RABEP1: variants seen among roughly 807,000 people sequenced by gnomAD.
RABEP1 encodes the protein rabaptin, RAB GTPase binding effector protein 1, also known as rab GTPase-binding effector protein 1.
A neutral mutation model predicts 123.4 loss-of-function variants in RABEP1; 51 were observed. That is an observed-to-expected ratio of 0.41 (90% CI 0.33 to 0.52). The LOEUF (loss-of-function observed/expected upper bound fraction) is 0.52, where lower values mean the gene tolerates loss of function less well. Among genes scored for constraint, RABEP1 ranks in the 20% least tolerant of loss-of-function variants. RABEP1 has a pLI of 0.16. For synonymous variants in RABEP1, 347 were observed against 355.2 expected (o/e 0.98, Z 0.26); for missense variants, 888 against 996.3 (o/e 0.89, Z 1.46).
At chr17:5,369,160 C>T (rs1181216736) in intron 12 of RABEP1, among the ~76,000 whole-genome samples, 1 of 151,788 alleles carries the variant, frequency 6.6e-6, no homozygotes, top group Non-Finnish European at 1.5e-5. Context: ...TGAAAAAAAA[C>T]ATGTAACTGT....
intron 1 of RABEP1, among the ~76,000 whole-genome samples, chr17:5,286,484 A>G (rs2074978906): frequency 1.3e-5 from 2 of 150,500 alleles, no homozygotes. Flanking sequence ...ACAGAGTGAG[A>G]CTCTGTCTCA....
rs201292927 is a variant in RABEP1, at chr17:5,323,690, A to ATC, written c.164-8251_164-8250dup. 7.2e-4 allele frequency among the ~76,000 whole-genome samples: 65 copies of ATC among 90,674 alleles called. 9 individuals carry two copies. The East Asian group carries it at 0.01, about 14-fold the overall frequency. The allele number at this position is 90,674 out of a possible 152,430, so 59.5% of individuals were successfully genotyped here. ...TCTTTCATTGGTGATATATATATAT[A>ATC]TCTCTCTCTAGGAATATATATATAT... On this transcript the variant is annotated intron_variant, in intron 2 of 17. Coordinates refer to ENST00000537505, the MANE Select transcript of RABEP1 (RefSeq NM_004703.6).
At chr17:5,334,356 CGAGTAGCTGG>C (rs1567529263) in intron 3 of RABEP1, among the ~76,000 whole-genome samples, 1 of 152,022 alleles carries the variant, frequency 6.6e-6, no homozygotes, top group Non-Finnish European at 1.5e-5. Flanking sequence ...CTCAGCCTTC[CGAGTAGCTGG>C]GACTACAGGT....
At chr17:5,338,217 A>C (rs1757059021) in intron 5 of RABEP1, 79 bp downstream of exon 5, 1 of 1,445,616 alleles carries the variant, frequency 6.9e-7, no homozygotes, top group African/African-American at 1.4e-5. Flanking sequence ...AATCAGTAAT[A>C]GGGAAAAAAA....
At chr17:5,287,562 G>A (rs2074990633) in intron 1 of RABEP1, among the ~76,000 whole-genome samples, 1 of 131,774 alleles carries the variant, frequency 7.6e-6, no homozygotes, top group African/African-American at 2.9e-5. Flanking sequence ...TCATGCCACC[G>A]TGCTCCAGCC....
At chr17:5,292,608 T>TC (rs1206473327) in intron 1 of RABEP1, among the ~76,000 whole-genome samples, 2 of 152,134 alleles carry the variant, frequency 1.3e-5, no homozygotes, top group Non-Finnish European at 2.9e-5. Flanking sequence ...GGTCTGGAAC[T>TC]CCTGACCTCA....
At position 5,282,995 on chromosome 17, in the gene RABEP1, A is replaced by G. The variant is rs561290177; in HGVS notation, c.34+475A>G. Among the ~76,000 whole-genome samples the G allele has an allele frequency of 3.9e-5, 6 of 152,202 alleles. No individual in the cohort carries two copies. In the South Asian group the frequency reaches 1.2e-3, roughly 32 times the overall value. ...TGACCTGAAAGTAGTTGTGTACAGTAACTGGATTTAGTAGCATTCCCTGAA... is the reference window on the plus strand; with the variant it reads ...TGACCTGAAAGTAGTTGTGTACAGTGACTGGATTTAGTAGCATTCCCTGAA... On this transcript the variant is annotated intron_variant, in intron 1 of 17. Coordinates refer to ENST00000537505, the MANE Select transcript of RABEP1 (RefSeq NM_004703.6).
At chr17:5,343,670 CTTTTTT>C (rs753410845) in intron 5 of RABEP1, among the ~76,000 whole-genome samples, 89 of 99,934 alleles carry the variant, frequency 8.9e-4, no homozygotes, top group African/African-American at 2.8e-3. Flanking sequence ...TTTCTTTTCT[CTTTTTT>C]TTTTTTTTTT....
At chr17:5,339,486 G>A (rs1434792666) in intron 5 of RABEP1, among the ~76,000 whole-genome samples, 1 of 152,152 alleles carries the variant, frequency 6.6e-6, no homozygotes, top group Non-Finnish European at 1.5e-5. Context: ...TCCAGTCTAC[G>A]TGATAGAGTG....
At chr17:5,342,591 G>GCGAGA (rs1003440138) in intron 5 of RABEP1, among the ~76,000 whole-genome samples, 1 of 152,126 alleles carries the variant, frequency 6.6e-6, no homozygotes, top group African/African-American at 2.4e-5. Context: ...GGGCAGTAGA[G>GCGAGA]CGAGACTCTG....
At chr17:5,379,769 G>C (rs1331601824) in intron 15 of RABEP1, among the ~76,000 whole-genome samples, 1 of 152,106 alleles carries the variant, frequency 6.6e-6, no homozygotes, top group Non-Finnish European at 1.5e-5. Flanking sequence ...TTAAACATTA[G>C]AAACTTGTTC....
At chr17:5,345,055 T>C (rs1907958240) in intron 5 of RABEP1, among the ~76,000 whole-genome samples, 1 of 152,188 alleles carries the variant, frequency 6.6e-6, no homozygotes, top group Admixed American at 6.5e-5. Flanking sequence ...TGTGAAAAGA[T>C]AGTCAACATT....
intron 8 of RABEP1, chr17:5,360,972 TGA>T: frequency 2.0e-6 from 1 of 502,238 alleles, no homozygotes; most frequent in African/African-American, 1.9e-5. Flanking sequence ...TTTTTTTTTT[TGA>T]AGCCGTATGT....
chr17:5,341,596 A>G (rs947743989), intron 5 of RABEP1, among the ~76,000 whole-genome samples: 2 of 152,212 alleles, frequency 1.3e-5, no homozygotes, highest in East Asian at 1.9e-4. Context: ...AAGCTCTCCA[A>G]CTGTTTTTAT....
chr17:5,292,971 T>C (rs958239432), intron 1 of RABEP1, among the ~76,000 whole-genome samples: 10 of 152,214 alleles, frequency 6.6e-5, no homozygotes, highest in Non-Finnish European at 1.0e-4. Flanking sequence ...CATGAGCTGC[T>C]GTGCCTTGTT....
chr17:5,359,905 G>C (rs561082132), intron 8 of RABEP1, among the ~76,000 whole-genome samples: 1 of 152,178 alleles, frequency 6.6e-6, no homozygotes, highest in Non-Finnish European at 1.5e-5. Flanking sequence ...ACTGCTTCAT[G>C]TAATGGCACT....
At chr17:5,318,159 G>A (rs866205768) in intron 2 of RABEP1, among the ~76,000 whole-genome samples, 11 of 152,166 alleles carry the variant, frequency 7.2e-5, no homozygotes, top group African/African-American at 2.4e-4. Flanking sequence ...TAGGAACCTC[G>A]ATTTATAGCT....
intron 6 of RABEP1, among the ~76,000 whole-genome samples, chr17:5,347,317 C>T (rs1362850208): frequency 3.9e-5 from 6 of 152,052 alleles, no homozygotes; most frequent in Non-Finnish European, 7.4e-5. Context: ...GGTTGAGGCA[C>T]GAGAATCACT....
intron 1 of RABEP1, among the ~76,000 whole-genome samples, chr17:5,297,698 A>C (rs1005762111): frequency 6.6e-6 from 1 of 152,232 alleles, no homozygotes; most frequent in African/African-American, 2.4e-5. Flanking sequence ...TTTGTGAATT[A>C]TTTAATCCTT....
Sources: allele counts gnomAD v4.1 joint callset (sites outside exome capture counted in the v4.1 genomes callset), GRCh38; gene constraint gnomAD v4.1.1; transcripts MANE v1.5; gene names NCBI Gene and HGNC (gene_info 2026-07-23, HGNC 2026-07-21).